The following PTPRK variants were observed in gnomAD, a reference collection of about 807,000 sequenced individuals.
PTPRK encodes the protein receptor-type tyrosine-protein phosphatase kappa.
Under a neutral mutation model 178.0 loss-of-function variants are expected in PTPRK, and 75 were observed. The observed-to-expected ratio is 0.42, with a 90% CI of 0.35 to 0.51. The LOEUF is 0.51. PTPRK is among the 20% of genes least tolerant of loss of function. The pLI is 0.02. For synonymous variants in PTPRK, 637 were observed against 620.6 expected, an observed-to-expected ratio of 1.03 and a Z score of -0.39; for missense variants, 1,441 against 1,797.8, an observed-to-expected ratio of 0.80 and a Z score of 3.59.
chr6:128,393,733 C>T (rs1025749194), intron 2 of PTPRK, among the ~76,000 whole-genome samples: 10 of 152,048 alleles, frequency 6.6e-5, no homozygotes, highest in African/African-American at 2.4e-4. Context: ...GAAGTTTGGA[C>T]CCATTTGAGG....
intron 3 of PTPRK, among the ~76,000 whole-genome samples, chr6:128,256,272 G>A (rs1365185213): frequency 6.6e-6 from 1 of 152,080 alleles, no homozygotes; most frequent in African/African-American, 2.4e-5. Context: ...CAGAGAAAGC[G>A]ACCTTTGAAA....
chr6:128,236,505 C>T (rs1166476819), intron 5 of PTPRK, among the ~76,000 whole-genome samples: 3 of 151,836 alleles, frequency 2.0e-5, no homozygotes, highest in African/African-American at 4.8e-5. Flanking sequence ...CGCACCACCA[C>T]GCCCGGCTAA....
At chr6:128,200,619 A>G (rs1044523036) in intron 6 of PTPRK, among the ~76,000 whole-genome samples, 1 of 151,600 alleles carries the variant, frequency 6.6e-6, no homozygotes, top group Non-Finnish European at 1.5e-5. Flanking sequence ...CTATCGTCTT[A>G]GCTACTTGGG....
At chr6:128,451,083 T>C (rs1847730309) in intron 1 of PTPRK, among the ~76,000 whole-genome samples, 1 of 152,214 alleles carries the variant, frequency 6.6e-6, no homozygotes, top group Admixed American at 6.5e-5. Flanking sequence ...ATTTGAGCTC[T>C]TAAGCCAAAA....
intron 6 of PTPRK, among the ~76,000 whole-genome samples, chr6:128,196,000 C>A (rs866117355): frequency 6.6e-6 from 1 of 152,126 alleles, no homozygotes; most frequent in South Asian, 2.1e-4. Context: ...AATGAGTTCA[C>A]TACATGGAGT....
At position 128,275,238 on chromosome 6, in the gene PTPRK, C is replaced by T. The variant is rs182520105; in HGVS notation, c.496-32636G>A. Among the ~76,000 whole-genome samples the T allele has an allele frequency of 7.4e-4, 113 of 152,156 alleles. 1 individual carries two copies. The highest frequency in any genetic ancestry group is 2.5e-3 in the African/African-American group (103 of 41,560). On this transcript the variant is annotated intron_variant, in intron 3 of 29. Transcript: ENST00000368226. Reference sequence around the variant, plus strand: ...AAATGAGAGAGAATGAGGATTTGAACTCAAAGGATTCTGACTCAAGCTCTT... The same window carrying T: ...AAATGAGAGAGAATGAGGATTTGAATTCAAAGGATTCTGACTCAAGCTCTT...
In PTPRK at chr6:128,351,284, T is replaced by C. The variant is rs533048340; in HGVS notation, c.224-28974A>G. Among the ~76,000 whole-genome samples, 4 of 152,302 alleles carry C rather than the reference T, an allele frequency of 2.6e-5. No homozygotes were observed. In the South Asian group the frequency reaches 8.3e-4, roughly 32 times the overall value. The stretch of plus-strand genomic sequence containing the variant: ...AATCCACATCAACAGTATTCTTATT[T>C]TATAGAGGCAGAGAGGTTAGTGTGT... On this transcript the variant is annotated intron_variant, in intron 2 of 29. Transcript: ENST00000368226.
Position 128,322,279 on chromosome 6 carries a change from G to T in PTPRK, c.255C>A (p.His85Gln). The change falls in exon 3 of 30, where the codon CAC becomes CAA. Residue 85 changes from histidine (H) to glutamine (Q), a missense_variant. Transcript: ENST00000368226. ...GSYMIVDSSD[H>Q]DPGEKARLQL... ...GAAGTCTGGCTTTTTCTCCAGGGTCGTGATCTGAAGAGTCCACTATCATAT... is the reference window on the plus strand; with the variant it reads ...GAAGTCTGGCTTTTTCTCCAGGGTCTTGATCTGAAGAGTCCACTATCATAT... The T allele has an allele frequency of 6.3e-7, 1 of 1,599,690 alleles. No homozygotes were observed. The highest frequency in any genetic ancestry group is 8.6e-7 in the Non-Finnish European group (1 of 1,167,150).
At chr6:128,061,126 A>G (rs973387745) in intron 13 of PTPRK, among the ~76,000 whole-genome samples, 1 of 152,126 alleles carries the variant, frequency 6.6e-6, no homozygotes, top group African/African-American at 2.4e-5. Flanking sequence ...TTGTTTTAGT[A>G]AAATGTTTTA....
chr6:128,064,845 C>T (rs1431286453), intron 12 of PTPRK, 51 bp from the exon 13 acceptor site: 4 of 1,519,820 alleles, frequency 2.6e-6, no homozygotes, highest in African/African-American at 2.8e-5. Context: ...GATAATGTTT[C>T]CTGTTTCATA....
intron 7 of PTPRK, among the ~76,000 whole-genome samples, chr6:128,111,271 T>C (rs1790614330): frequency 6.6e-6 from 1 of 152,202 alleles, no homozygotes; most frequent in South Asian, 2.1e-4. Context: ...ACTTAGACGC[T>C]GACAGTTTGC....
At chr6:128,018,810 G>C (rs1396854405) in intron 13 of PTPRK, among the ~76,000 whole-genome samples, 2 of 152,010 alleles carry the variant, frequency 1.3e-5, no homozygotes, top group South Asian at 4.1e-4. Context: ...TAGATGGAGG[G>C]AAGTCTACTT....
chr6:128,375,264 T>C (rs184573693), intron 2 of PTPRK, among the ~76,000 whole-genome samples: 294 of 151,930 alleles, frequency 1.9e-3, no homozygotes, highest in Non-Finnish European at 3.4e-3. Flanking sequence ...GGGTAAATTA[T>C]GCAGGAAAAG....
intron 3 of PTPRK, 31 bp from the exon 4 acceptor site, chr6:128,242,633 C>A (rs1460177106): frequency 6.2e-7 from 1 of 1,604,186 alleles, no homozygotes; most frequent in East Asian, 2.2e-5. Flanking sequence ...ATATTTACAA[C>A]AATAGTTTTC....
chr6:128,308,079 C>T (rs1056250540), intron 3 of PTPRK, among the ~76,000 whole-genome samples: 1 of 151,752 alleles, frequency 6.6e-6, no homozygotes, highest in African/African-American at 2.4e-5. Context: ...AAATAGAATG[C>T]TATACAACAC....
intron 1 of PTPRK, among the ~76,000 whole-genome samples, chr6:128,440,990 T>C (rs1846213238): frequency 6.6e-6 from 1 of 152,204 alleles, no homozygotes; most frequent in Non-Finnish European, 1.5e-5. Flanking sequence ...CCCCCTACAC[T>C]GTGTGTTCCA....
At chr6:128,345,224 C>A (rs951539261) in intron 2 of PTPRK, among the ~76,000 whole-genome samples, 11 of 152,040 alleles carry the variant, frequency 7.2e-5, no homozygotes, top group Non-Finnish European at 1.5e-4. Flanking sequence ...TCAGTGAATG[C>A]TATTTTAAGC....
At chr6:128,360,346 G>T (rs1834556205) in intron 2 of PTPRK, among the ~76,000 whole-genome samples, 1 of 152,048 alleles carries the variant, frequency 6.6e-6, no homozygotes, top group Non-Finnish European at 1.5e-5. Context: ...TATTTCAGAT[G>T]AGACACTAAT....
chr6:128,053,179 CACA>C (rs1238157013), intron 13 of PTPRK, among the ~76,000 whole-genome samples: 55 of 147,670 alleles, frequency 3.7e-4, no homozygotes, highest in Admixed American at 2.4e-3. Context: ...CACACACACA[CACA>C]CCCCTATACA....
Sources: gnomAD v4.1 joint callset for allele counts (sites outside exome capture counted in the v4.1 genomes callset) on GRCh38, gnomAD v4.1.1 for gene constraint, MANE v1.5 for transcripts, NCBI Gene and HGNC (gene_info 2026-07-23, HGNC 2026-07-21) for gene names.